MEI4: variants seen among roughly 807,000 people sequenced by gnomAD.
MEI4 encodes the protein meiotic double-stranded break formation protein 4.
Under a neutral mutation model 31.4 loss-of-function variants are expected in MEI4, and 27 were observed. The ratio of observed to expected loss-of-function variants is 0.86; its 90% CI spans 0.63 to 1.19. The LOEUF (loss-of-function observed/expected upper bound fraction) is 1.19, where lower values mean the gene tolerates loss of function less well. MEI4 is among the 50% of genes most tolerant of loss of function. The pLI is 0.00. For missense variants in MEI4, 329 were observed against 398.9 expected (o/e 0.82, Z 1.49); for synonymous variants, 122 against 145.4 (o/e 0.84, Z 1.16).
At chr6:77,830,648 T>G (rs1267408996) in intron 4 of MEI4, among the ~76,000 whole-genome samples, 3 of 152,068 alleles carry the variant, frequency 2.0e-5, no homozygotes, top group Non-Finnish European at 4.4e-5. Context: ...GAGTTTTGCA[T>G]TGGCCAAAGG....
intron 4 of MEI4, among the ~76,000 whole-genome samples, chr6:77,886,836 C>G (rs138383312): frequency 2.1e-4 from 32 of 151,954 alleles, no homozygotes; most frequent in Non-Finnish European, 3.2e-4. Context: ...TTATTTGGGT[C>G]TTCTCTCTTT....
chr6:77,730,568 A>G (rs113326661), intron 2 of MEI4, among the ~76,000 whole-genome samples: 7 of 151,776 alleles, frequency 4.6e-5, no homozygotes, highest in Admixed American at 1.3e-4. Context: ...TCATTTATTC[A>G]GTCCCTTTTA....
intron 2 of MEI4, among the ~76,000 whole-genome samples, chr6:77,731,333 G>A (rs1180299661): frequency 6.7e-6 from 1 of 150,200 alleles, no homozygotes; most frequent in African/African-American, 2.5e-5. Context: ...ACTGGTGTGA[G>A]ATGGTATCTC....
intron 3 of MEI4, among the ~76,000 whole-genome samples, chr6:77,778,734 T>C (rs1768522918): frequency 6.6e-6 from 1 of 151,102 alleles, no homozygotes; most frequent in Non-Finnish European, 1.5e-5. Flanking sequence ...AATAAATAAA[T>C]AAATAAATAA....
intron 2 of MEI4, among the ~76,000 whole-genome samples, chr6:77,750,883 T>G (rs2127677714): frequency 6.6e-6 from 1 of 152,320 alleles, no homozygotes. Flanking sequence ...AAAACACTTC[T>G]TAGCAAATGC....
intron 3 of MEI4, among the ~76,000 whole-genome samples, chr6:77,801,366 ATTC>A (rs1325548718): frequency 6.6e-6 from 1 of 151,742 alleles, no homozygotes; most frequent in Non-Finnish European, 1.5e-5. Flanking sequence ...TATCACGTCT[ATTC>A]TTCTCTGTTT....
At chr6:77,912,512 T>A (rs932340770) in intron 4 of MEI4, among the ~76,000 whole-genome samples, 3 of 152,112 alleles carry the variant, frequency 2.0e-5, no homozygotes, top group African/African-American at 7.2e-5. Flanking sequence ...TCTGTAGTTG[T>A]CCTTGTAAAG....
chr6:77,802,736 A>G (rs958491146), intron 3 of MEI4, among the ~76,000 whole-genome samples: 1 of 152,114 alleles, frequency 6.6e-6, no homozygotes, highest in Non-Finnish European at 1.5e-5. Context: ...TCTGAAGCTT[A>G]GTTTATCTGG....
At chr6:77,832,402 G>T (rs1770105791) in intron 4 of MEI4, among the ~76,000 whole-genome samples, 1 of 151,836 alleles carries the variant, frequency 6.6e-6, no homozygotes, top group South Asian at 2.1e-4. Flanking sequence ...AATTTCTAAG[G>T]TATTTGATGG....
At chr6:77,655,985 AT>A (rs1256791694) in intron 1 of MEI4, among the ~76,000 whole-genome samples, 2 of 152,166 alleles carry the variant, frequency 1.3e-5, no homozygotes, top group Non-Finnish European at 2.9e-5. Flanking sequence ...AATTTTTATA[AT>A]GAAAGTCCAA....
chr6:77,744,399 C>T (rs983957418), intron 2 of MEI4, among the ~76,000 whole-genome samples: 12 of 151,736 alleles, frequency 7.9e-5, no homozygotes, highest in East Asian at 1.9e-4. Flanking sequence ...TGAAATGAAG[C>T]GACAAGAGAA....
At chr6:77,793,602 G>T (rs1768997707) in intron 3 of MEI4, among the ~76,000 whole-genome samples, 1 of 152,162 alleles carries the variant, frequency 6.6e-6, no homozygotes, top group South Asian at 2.1e-4. Context: ...TGGATACACA[G>T]TATGAAATAG....
At chr6:77,835,645 T>G (rs1426729305) in intron 4 of MEI4, among the ~76,000 whole-genome samples, 1 of 152,072 alleles carries the variant, frequency 6.6e-6, no homozygotes, top group African/African-American at 2.4e-5. Context: ...ATTTATCTAT[T>G]ACCTGGGAAA....
In MEI4 at chr6:77,709,628, A is replaced by G. The variant is rs1766412176; in HGVS notation, c.232+18725A>G. ...TTCTAACTTATTAATAAAACAGGAT[A>G]TGCAGAATTTAGGCACCTTTCTCTC... On this transcript the variant is annotated intron_variant, in intron 2 of 4. Coordinates refer to ENST00000684080, the MANE Select transcript of MEI4 (RefSeq NM_001322247.2). Among the ~76,000 whole-genome samples the G allele has an allele frequency of 2.6e-5, 4 of 152,348 alleles. No homozygotes were observed. In the South Asian group the frequency reaches 8.3e-4, roughly 32 times the overall value.
At chr6:77,867,235 A>C (rs80059002) in intron 4 of MEI4, among the ~76,000 whole-genome samples, 10,631 of 152,242 alleles carry the variant, frequency 0.07, 556 homozygotes, top group Non-Finnish European at 0.11. Flanking sequence ...GGATCTAATT[A>C]AACTAAAGAG....
intron 4 of MEI4, among the ~76,000 whole-genome samples, chr6:77,920,020 C>A (rs2127742320): frequency 6.8e-6 from 1 of 146,530 alleles, no homozygotes; most frequent in African/African-American, 2.5e-5. Context: ...GTTTACCAAC[C>A]AAAAAGAGTC....
chr6:77,845,343 ATT>A (rs1770457527), intron 4 of MEI4, among the ~76,000 whole-genome samples: 1 of 152,018 alleles, frequency 6.6e-6, no homozygotes, highest in Non-Finnish European at 1.5e-5. Context: ...TCTTTCAATA[ATT>A]TTATGTCTAT....
intron 3 of MEI4, among the ~76,000 whole-genome samples, chr6:77,797,683 C>T (rs1319092102): frequency 2.6e-5 from 4 of 152,098 alleles, no homozygotes; most frequent in Non-Finnish European, 5.9e-5. Context: ...TGGAAGCATC[C>T]AGCACAGGAG....
chr6:77,876,555 A>G (rs1052572732), intron 4 of MEI4, among the ~76,000 whole-genome samples: 1 of 152,182 alleles, frequency 6.6e-6, no homozygotes, highest in African/African-American at 2.4e-5. Context: ...GTTTTCTGTT[A>G]TAGTAGCAGG....
Sources: allele counts gnomAD v4.1 joint callset (sites outside exome capture counted in the v4.1 genomes callset), GRCh38; gene constraint gnomAD v4.1.1; transcripts MANE v1.5; gene names NCBI Gene and HGNC (gene_info 2026-07-23, HGNC 2026-07-21).